PCDHGA3: variants seen among roughly 807,000 people sequenced by gnomAD.
PCDHGA3 encodes the protein protocadherin gamma-A3.
Under a neutral mutation model 58.5 loss-of-function variants are expected in PCDHGA3, and 40 were observed. The observed-to-expected ratio is 0.68, with a 90% CI of 0.53 to 0.89. The LOEUF (loss-of-function observed/expected upper bound fraction) is 0.89, where lower values mean the gene tolerates loss of function less well. Among genes scored for constraint, PCDHGA3 ranks in the 40% least tolerant of loss-of-function variants. The pLI is 0.00. For missense variants in PCDHGA3, 1,223 were observed against 1,195.9 expected, an observed-to-expected ratio of 1.02 and a Z score of -0.33; for synonymous variants, 530 against 525.7, an observed-to-expected ratio of 1.01 and a Z score of -0.11.
At chr5:141,359,917 CT>C in intron 1 of PCDHGA3, 1 of 436,538 alleles carries the variant, frequency 2.3e-6, no homozygotes, top group Non-Finnish European at 4.0e-6. Context: ...GTGCAGTTTC[CT>C]GAGAAAACCT....
intron 1 of PCDHGA3, chr5:141,384,846 C>T: frequency 1.2e-6 from 2 of 1,613,586 alleles, no homozygotes; most frequent in Non-Finnish European, 1.7e-6. Context: ...TCCAGGACCA[C>T]GGTCAGCCTC....
chr5:141,366,731 AAAG>A (rs745983303), intron 1 of PCDHGA3: 28 of 1,613,012 alleles, frequency 1.7e-5, no homozygotes, highest in Non-Finnish European at 2.1e-5. Flanking sequence ...AGATGCAAAC[AAAG>A]AAGAACGGCG....
chr5:141,427,751 C>T (rs778043340), intron 1 of PCDHGA3: 1 of 1,306,072 alleles, frequency 7.7e-7, no homozygotes, highest in South Asian at 1.2e-5. Flanking sequence ...CCTACTCCAT[C>T]GTTACCACTG....
At chr5:141,449,407 G>A (rs1367837385) in intron 1 of PCDHGA3, among the ~76,000 whole-genome samples, 2 of 151,754 alleles carry the variant, frequency 1.3e-5, no homozygotes, top group Non-Finnish European at 2.9e-5. Flanking sequence ...AGGAGTTCAA[G>A]ACCAGCCTGG....
At chr5:141,413,389 T>G in intron 1 of PCDHGA3, 1 of 1,613,986 alleles carries the variant, frequency 6.2e-7, no homozygotes, top group Non-Finnish European at 8.5e-7. Flanking sequence ...CCGCATAGTC[T>G]CCAGAGGTAG....
chr5:141,423,957 T>G, intron 1 of PCDHGA3: 1 of 1,183,084 alleles, frequency 8.5e-7, no homozygotes, highest in Non-Finnish European at 1.1e-6. Context: ...TTTAGTATTA[T>G]TTTTCTATTA....
intron 1 of PCDHGA3, chr5:141,370,925 C>T (rs1292549749): frequency 1.9e-6 from 3 of 1,614,008 alleles, no homozygotes; most frequent in Non-Finnish European, 2.5e-6. Context: ...CTGATCCGCA[C>T]TTCTCTTTGA....
At position 141,385,515 on chromosome 5, in the gene PCDHGA3, C is replaced by A. The variant is rs549682834; in HGVS notation, c.2424+39058C>A. On this transcript the variant is annotated intron_variant, in intron 1 of 3. Coordinates refer to ENST00000253812, the MANE Select transcript of PCDHGA3 (RefSeq NM_018916.4). ...GGATATAGTATTTCTTTAGTGAAAG[C>A]CTATGGACAAGATTATGAATATGTG... The A allele has an allele frequency of 5.6e-5, 76 of 1,362,798 alleles. No homozygotes were observed. The East Asian group carries it at 1.7e-3, about 31-fold the overall frequency. 84.4% of individuals were successfully genotyped at this position (1,362,798 alleles called of 1,614,324 possible).
intron 1 of PCDHGA3, among the ~76,000 whole-genome samples, chr5:141,382,245 A>C (rs1778064019): frequency 6.6e-6 from 1 of 152,172 alleles, no homozygotes; most frequent in South Asian, 2.1e-4. Flanking sequence ...GACTTTCTGA[A>C]TCTTGCATCA....
Position 141,486,142 on chromosome 5 carries a change from C to T in PCDHGA3, c.2425-8665C>T. 6.2e-7 allele frequency: 1 copy of T among 1,614,200 alleles called. No homozygotes were observed. The highest frequency in any genetic ancestry group is 1.3e-5 in the African/African-American group (1 of 75,052). ...ACTATGAATTTGATGTGCGGGCTCG[C>T]GATGGGGGTTCTCCAGCCATGGAGC... On this transcript the variant is annotated intron_variant, in intron 1 of 3. Coordinates refer to ENST00000253812, the MANE Select transcript of PCDHGA3 (RefSeq NM_018916.4). This position sits in a 1 kb window ranked among gnomAD's most constrained non-coding sequence, Gnocchi z 5.0.
intron 1 of PCDHGA3, chr5:141,420,084 A>G (rs1454284559): frequency 2.5e-6 from 4 of 1,613,890 alleles, no homozygotes; most frequent in African/African-American, 1.3e-5. Context: ...GGTCCCCCCA[A>G]CTACAGTGAG....
At chr5:141,357,391 A>G (rs751497750) in intron 1 of PCDHGA3, 2 of 1,614,230 alleles carry the variant, frequency 1.2e-6, no homozygotes, top group South Asian at 1.1e-5. Flanking sequence ...TGAAGGCAGC[A>G]GGTTGGCAGG....
Position 141,427,885 on chromosome 5 carries a change from ACCAGGGCTCGC to A in PCDHGA3, c.2425-66919_2425-66909del, listed in dbSNP as rs772694818. 4 of 1,565,134 alleles carry A rather than the reference ACCAGGGCTCGC, an allele frequency of 2.6e-6. No homozygotes were observed. In the East Asian group the frequency reaches 6.7e-5, roughly 26 times the overall value. ...TTCGAGCTCACGATGCAGGCCCACGACCAGGGCTCGCCCGCGCTCAGCGCCAACATGAGCCG... is the reference window on the plus strand; with the variant it reads ...TTCGAGCTCACGATGCAGGCCCACGACCGCGCTCAGCGCCAACATGAGCCG... On this transcript the variant is annotated intron_variant, in intron 1 of 3. Coordinates refer to ENST00000253812, the MANE Select transcript of PCDHGA3 (RefSeq NM_018916.4).
chr5:141,388,474 A>G, intron 1 of PCDHGA3: 1 of 1,613,850 alleles, frequency 6.2e-7, no homozygotes, highest in Non-Finnish European at 8.5e-7. Flanking sequence ...ATGGTATTGA[A>G]GACACCTTTG....
At chr5:141,456,919 C>G (rs2098898169) in intron 1 of PCDHGA3, among the ~76,000 whole-genome samples, 1 of 152,124 alleles carries the variant, frequency 6.6e-6, no homozygotes, top group African/African-American at 2.4e-5. Flanking sequence ...GCCGAGATCG[C>G]ACCACTGCAC....
At chr5:141,372,155 G>T in intron 1 of PCDHGA3, 1 of 1,613,796 alleles carries the variant, frequency 6.2e-7, no homozygotes, top group Non-Finnish European at 8.5e-7. Flanking sequence ...CTGGCTACCT[G>T]GTGACCAAGG....
chr5:141,494,048 G>C (rs764072099), intron 1 of PCDHGA3, among the ~76,000 whole-genome samples: 3 of 152,148 alleles, frequency 2.0e-5, no homozygotes, highest in Non-Finnish European at 2.9e-5. Flanking sequence ...GGCCCTGCTT[G>C]GAGGCTGTGG....
chr5:141,458,514 T>G (rs1338106276), intron 1 of PCDHGA3, among the ~76,000 whole-genome samples: 1 of 129,036 alleles, frequency 7.7e-6, no homozygotes, highest in African/African-American at 3.6e-5. Context: ...TGACACTTTG[T>G]TTTTTTTTTT....
chr5:141,397,424 T>A (rs975746097), intron 1 of PCDHGA3, among the ~76,000 whole-genome samples: 4 of 152,324 alleles, frequency 2.6e-5, no homozygotes, highest in African/African-American at 9.6e-5. Flanking sequence ...ATAGTATAGA[T>A]TTCCCTAATA....
Sources: gnomAD v4.1 joint callset for allele counts (sites outside exome capture counted in the v4.1 genomes callset) on GRCh38, gnomAD v4.1.1 for gene constraint, Gnocchi (gnomAD v3.1) non-coding constraint, MANE v1.5 for transcripts, NCBI Gene and HGNC (gene_info 2026-07-23, HGNC 2026-07-21) for gene names.